Variants in NRXN1 observed in about 807,000 individuals in gnomAD.
NRXN1 encodes the protein neurexin 1, also known as neurexin-1.
A neutral mutation model predicts 150.9 loss-of-function variants in NRXN1; 39 were observed. The ratio of observed to expected loss-of-function variants is 0.26; its 90% CI spans 0.20 to 0.34. The LOEUF is 0.34. Ranked by LOEUF, NRXN1 falls within the 10% of genes least tolerant of loss-of-function variation. The pLI is 1.00. For missense variants in NRXN1, 1,815 were observed against 1,949.9 expected (o/e 0.93, Z 1.30); for synonymous variants, 924 against 757.0 (o/e 1.22, Z -3.62).
intron 2 of NRXN1, among the ~76,000 whole-genome samples, chr2:51,003,850 G>A (rs902147912): frequency 6.6e-6 from 1 of 151,934 alleles, no homozygotes; most frequent in Admixed American, 6.6e-5. Flanking sequence ...TGAAGTTTCA[G>A]CTTGTGAATA....
chr2:50,304,958 C>T (rs983874264), intron 17 of NRXN1, among the ~76,000 whole-genome samples: 9 of 151,952 alleles, frequency 5.9e-5, no homozygotes, highest in Admixed American at 2.0e-4. Flanking sequence ...GGTGTGGTGG[C>T]GGGTGCCTGT....
At chr2:49,993,794 A>G (rs1682442388) in intron 21 of NRXN1, among the ~76,000 whole-genome samples, 1 of 152,228 alleles carries the variant, frequency 6.6e-6, no homozygotes, top group Non-Finnish European at 1.5e-5. Flanking sequence ...CATAGCAGAT[A>G]AAAAATCCAA....
At chr2:50,825,343 C>T (rs1204271661) in intron 5 of NRXN1, among the ~76,000 whole-genome samples, 1 of 152,150 alleles carries the variant, frequency 6.6e-6, no homozygotes, top group Non-Finnish European at 1.5e-5. Flanking sequence ...CTCTAGATAG[C>T]TTCAGAATGG....
chr2:49,981,306 T>C (rs577800270), intron 21 of NRXN1, among the ~76,000 whole-genome samples: 2 of 152,058 alleles, frequency 1.3e-5, no homozygotes, highest in Admixed American at 1.3e-4. Context: ...TGGTAACTGA[T>C]TGATGAAAGC....
intron 5 of NRXN1, among the ~76,000 whole-genome samples, chr2:50,719,606 G>T (rs990095252): frequency 4.6e-5 from 7 of 152,040 alleles, no homozygotes; most frequent in African/African-American, 1.7e-4. Flanking sequence ...AACCGGGGAG[G>T]CGGAGGTTGC....
Position 50,659,727 on chromosome 2 carries a change from TTTTC to T in NRXN1, c.833-36116_833-36113del, listed in dbSNP as rs1687017161. Among the ~76,000 whole-genome samples, 13 of 151,482 alleles carry T rather than the reference TTTTC, an allele frequency of 8.6e-5. No homozygotes were observed. The South Asian group carries it at 2.5e-3, about 29-fold the overall frequency. On this transcript the variant is annotated intron_variant, in intron 5 of 22. Transcript: ENST00000401669. ...TAATTCATATACATTTTAGCTTCCT[TTTTC>T]TTTTTTTTTTTTCCCAAATCCACAA...
At chr2:49,985,365 T>A (rs1441021242) in intron 21 of NRXN1, among the ~76,000 whole-genome samples, 1 of 152,232 alleles carries the variant, frequency 6.6e-6, no homozygotes. Flanking sequence ...CTATATTTAA[T>A]GAAGACCAAA....
chr2:50,624,412 A>G (rs1007372333), intron 5 of NRXN1, among the ~76,000 whole-genome samples: 12 of 152,128 alleles, frequency 7.9e-5, no homozygotes, highest in African/African-American at 2.9e-4. Flanking sequence ...AATGGATTCC[A>G]AGATGTTTTC....
At chr2:50,844,776 G>T (rs1411311127) in intron 5 of NRXN1, among the ~76,000 whole-genome samples, 1 of 152,108 alleles carries the variant, frequency 6.6e-6, no homozygotes, top group African/African-American at 2.4e-5. Flanking sequence ...GCCAGAGCAA[G>T]TATCATGGAA....
intron 5 of NRXN1, among the ~76,000 whole-genome samples, chr2:50,626,275 AC>A (rs1681027196): frequency 6.6e-6 from 1 of 151,930 alleles, no homozygotes; most frequent in Non-Finnish European, 1.5e-5. Flanking sequence ...ATTTAAAAAA[AC>A]AGGTAAAAAG....
At chr2:50,713,000 G>C (rs949402267) in intron 5 of NRXN1, among the ~76,000 whole-genome samples, 4 of 152,054 alleles carry the variant, frequency 2.6e-5, no homozygotes, top group African/African-American at 9.7e-5. Flanking sequence ...TTTTGTGCTT[G>C]TATATCTGAG....
At chr2:50,310,029 T>C (rs1368515021) in intron 17 of NRXN1, among the ~76,000 whole-genome samples, 1 of 152,154 alleles carries the variant, frequency 6.6e-6, no homozygotes, top group African/African-American at 2.4e-5. Flanking sequence ...AGATGGTATA[T>C]GTGCACTAAT....
At chr2:50,978,271 CATATATATATAT>C (rs10671122) in intron 2 of NRXN1, among the ~76,000 whole-genome samples, 1,778 of 95,018 alleles carry the variant, frequency 0.019, 106 homozygotes, top group African/African-American at 0.023. Context: ...GGATATTATA[CATATATATATAT>C]ATATATATAT....
chr2:50,437,679 C>T (rs1224025630), intron 17 of NRXN1, among the ~76,000 whole-genome samples: 8 of 151,296 alleles, frequency 5.3e-5, no homozygotes, highest in Non-Finnish European at 2.9e-5. Flanking sequence ...CTACTAACTA[C>T]TTCATGATAC....
At chr2:50,459,810 A>G (rs534023460) in intron 17 of NRXN1, among the ~76,000 whole-genome samples, 1 of 152,130 alleles carries the variant, frequency 6.6e-6, no homozygotes, top group African/African-American at 2.4e-5. Flanking sequence ...CTTTTGGTAC[A>G]TCATTTTTAG....
At chr2:50,718,617 C>T (rs763182595) in intron 5 of NRXN1, among the ~76,000 whole-genome samples, 3 of 152,104 alleles carry the variant, frequency 2.0e-5, no homozygotes, top group East Asian at 1.9e-4. Context: ...CAACCAAGGA[C>T]GCTCACTAAT....
At chr2:50,469,967 C>A (rs1013314686) in intron 16 of NRXN1, among the ~76,000 whole-genome samples, 2 of 151,276 alleles carry the variant, frequency 1.3e-5, no homozygotes, top group Non-Finnish European at 3.0e-5. Context: ...GTTAGTATAT[C>A]CTGCTCCTCT....
chr2:50,455,071 C>A (rs1333950255), intron 17 of NRXN1, among the ~76,000 whole-genome samples: 1 of 152,150 alleles, frequency 6.6e-6, no homozygotes, highest in African/African-American at 2.4e-5. Flanking sequence ...TGTCTCTATA[C>A]TTCTCTGAAT....
intron 18 of NRXN1, among the ~76,000 whole-genome samples, chr2:50,111,431 C>T (rs1702363937): frequency 6.6e-6 from 1 of 152,068 alleles, no homozygotes; most frequent in Non-Finnish European, 1.5e-5. Context: ...CACTTGAGGT[C>T]AGGAGTGAGA....
Sources: gnomAD v4.1 joint callset for allele counts (sites outside exome capture counted in the v4.1 genomes callset) on GRCh38, gnomAD v4.1.1 for gene constraint, MANE v1.5 for transcripts, NCBI Gene and HGNC (gene_info 2026-07-23, HGNC 2026-07-21) for gene names.